Variants in DRC11 observed in about 807,000 individuals in gnomAD.
DRC11 encodes the protein IQ and AAA domain-containing protein 1.
chr2:236,488,195 C>CA, the DRC11 span: 15 of 1,561,676 alleles, frequency 9.6e-6, no homozygotes, highest in South Asian at 1.2e-5. Context: ...GGTATTTCTG[C>CA]AAAAAACAGT....
At chr2:236,357,163 T>TATATCTGTATATTATATATTC in the DRC11 span, among the ~76,000 whole-genome samples, 1 of 122,572 alleles carries the variant, frequency 8.2e-6, no homozygotes, top group Non-Finnish European at 1.6e-5. Context: ...TGTATTCATA[T>TATATCTGTATATTATATATTC]ATATCTATAT....
chr2:236,490,521 C>T, the DRC11 span, among the ~76,000 whole-genome samples: 24 of 152,230 alleles, frequency 1.6e-4, no homozygotes, highest in Admixed American at 7.2e-4. This position sits in a 1 kb window ranked among gnomAD's most constrained non-coding sequence, Gnocchi z 5.5. Context: ...TAGAGTAGAA[C>T]GAGTATCATT....
chr2:236,477,853 C>T, the DRC11 span, among the ~76,000 whole-genome samples: 2 of 151,982 alleles, frequency 1.3e-5, no homozygotes, highest in South Asian at 4.2e-4. Flanking sequence ...TCTAACGATC[C>T]TATATATTTC....
chr2:236,404,302 C>T, the DRC11 span, among the ~76,000 whole-genome samples: 3 of 151,976 alleles, frequency 2.0e-5, no homozygotes, highest in Non-Finnish European at 1.5e-5. Flanking sequence ...TATTGGGAGT[C>T]GTTTTTTCCT....
the DRC11 span, among the ~76,000 whole-genome samples, chr2:236,347,716 A>G: frequency 6.6e-6 from 1 of 151,816 alleles, no homozygotes; most frequent in South Asian, 2.1e-4. Context: ...GAAGAGTGGG[A>G]GGGGGGTGAG....
chr2:236,369,506 C>T, the DRC11 span, among the ~76,000 whole-genome samples: 846 of 152,276 alleles, frequency 5.6e-3, 2 homozygotes, highest in Non-Finnish European at 9.0e-3. This position sits in a 1 kb window ranked among gnomAD's most constrained non-coding sequence, Gnocchi z 4.5. Flanking sequence ...CTGTAACAAC[C>T]GTTAAATCCA....
chr2:236,356,104 A>G, the DRC11 span, among the ~76,000 whole-genome samples: 42 of 152,164 alleles, frequency 2.8e-4, 1 homozygote, highest in South Asian at 8.5e-3. Context: ...CCGTTCTCCC[A>G]GGTCCTCACT....
the DRC11 span, among the ~76,000 whole-genome samples, chr2:236,322,410 T>C: frequency 1.3e-5 from 2 of 151,940 alleles, no homozygotes; most frequent in African/African-American, 4.8e-5. Flanking sequence ...AATTCTTTTT[T>C]TCTTTTTTTG....
At chr2:236,381,900 G>A in the DRC11 span, among the ~76,000 whole-genome samples, 8 of 151,940 alleles carry the variant, frequency 5.3e-5, no homozygotes, top group South Asian at 1.7e-3. This position sits in a 1 kb window ranked among gnomAD's most constrained non-coding sequence, Gnocchi z 5.8. Context: ...TATGTGGTTT[G>A]CAAATATTTC....
At chr2:236,352,351 C>T in the DRC11 span, among the ~76,000 whole-genome samples, 19 of 152,122 alleles carry the variant, frequency 1.2e-4, no homozygotes, top group East Asian at 2.9e-3. The surrounding 1 kb of genome is among the most constrained non-coding windows in gnomAD (Gnocchi z 7.0). Context: ...GAGGACGTGG[C>T]GCATGGGGTA....
chr2:236,397,783 T>C, the DRC11 span, among the ~76,000 whole-genome samples: 54 of 152,302 alleles, frequency 3.5e-4, no homozygotes, highest in African/African-American at 1.3e-3. This position sits in a 1 kb window ranked among gnomAD's most constrained non-coding sequence, Gnocchi z 5.0. Context: ...CAGGACCCAC[T>C]GGATGTTGTT....
chr2:236,385,127 T>C, the DRC11 span, among the ~76,000 whole-genome samples: 77 of 152,166 alleles, frequency 5.1e-4, no homozygotes, highest in African/African-American at 1.6e-3. Flanking sequence ...TGGCTTAGGA[T>C]TGACTTGGCG....
chr2:236,404,120 C>G, the DRC11 span, among the ~76,000 whole-genome samples: 1 of 148,214 alleles, frequency 6.7e-6, no homozygotes, highest in Admixed American at 6.8e-5. Context: ...GTGGCCCACT[C>G]CACTGTCAGA....
At chr2:236,419,764 G>T in the DRC11 span, among the ~76,000 whole-genome samples, 2 of 152,106 alleles carry the variant, frequency 1.3e-5, no homozygotes, top group Non-Finnish European at 2.9e-5. The surrounding 1 kb of genome is among the most constrained non-coding windows in gnomAD (Gnocchi z 4.8). Context: ...CCCCTACAGT[G>T]ACAAAAGACC....
the DRC11 span, among the ~76,000 whole-genome samples, chr2:236,406,218 G>A: frequency 1.3e-5 from 2 of 152,326 alleles, no homozygotes; most frequent in Admixed American, 1.3e-4. The surrounding 1 kb of genome is among the most constrained non-coding windows in gnomAD (Gnocchi z 4.7). Flanking sequence ...ATATCTTTGT[G>A]AAATTAGGAG....
chr2:236,475,843 T>C, the DRC11 span, among the ~76,000 whole-genome samples: 1 of 152,160 alleles, frequency 6.6e-6, no homozygotes, highest in East Asian at 1.9e-4. This position sits in a 1 kb window ranked among gnomAD's most constrained non-coding sequence, Gnocchi z 4.8. Context: ...TTCTCCAATG[T>C]AGGTTCTTGG....
chr2:236,335,920 TCATC>T, the DRC11 span, among the ~76,000 whole-genome samples: 1 of 151,916 alleles, frequency 6.6e-6, no homozygotes, highest in Non-Finnish European at 1.5e-5. This position sits in a 1 kb window ranked among gnomAD's most constrained non-coding sequence, Gnocchi z 5.6. Context: ...GCTGCCCCCT[TCATC>T]CATGTTTCTC....
At chr2:236,415,697 T>C in the DRC11 span, among the ~76,000 whole-genome samples, 1 of 152,204 alleles carries the variant, frequency 6.6e-6, no homozygotes, top group African/African-American at 2.4e-5. The surrounding 1 kb of genome is among the most constrained non-coding windows in gnomAD (Gnocchi z 5.7). Context: ...ACTTTGCTTT[T>C]TGTTCAAAAC....
At chr2:236,414,753 G>C in the DRC11 span, among the ~76,000 whole-genome samples, 2 of 152,134 alleles carry the variant, frequency 1.3e-5, no homozygotes, top group African/African-American at 2.4e-5. Context: ...ATAAGGAACT[G>C]CGAACGTTCA....
Sources: allele counts gnomAD v4.1 joint callset (sites outside exome capture counted in the v4.1 genomes callset), GRCh38; gene constraint gnomAD v4.1.1; non-coding constraint Gnocchi (gnomAD v3.1); transcripts MANE v1.5; gene names NCBI Gene and HGNC (gene_info 2026-07-23, HGNC 2026-07-21).